Variants in LRRC49 observed in about 807,000 individuals in gnomAD.
LRRC49 encodes the protein leucine-rich repeat-containing protein 49.
LRRC49 carries 50 observed loss-of-function variants against 83.3 expected under a neutral mutation model. The observed-to-expected ratio is 0.60, with a 90% CI of 0.48 to 0.76. The LOEUF (loss-of-function observed/expected upper bound fraction) is 0.76, where lower values mean the gene tolerates loss of function less well. Ranked by LOEUF, LRRC49 falls within the 30% of genes least tolerant of loss-of-function variation. The pLI is 0.00. For missense variants in LRRC49, 704 were observed against 809.1 expected, an observed-to-expected ratio of 0.87 and a Z score of 1.58; for synonymous variants, 286 against 283.3, an observed-to-expected ratio of 1.01 and a Z score of -0.10.
intron 15 of LRRC49, among the ~76,000 whole-genome samples, chr15:71,046,090 A>T (rs1660968): frequency 0.48 from 72,549 of 151,948 alleles, 17,512 homozygotes; most frequent in East Asian, 0.65. Flanking sequence ...TCTTTATCCA[A>T]TCTACCATTG....
chr15:70,913,534 C>CA (rs1488132498), intron 6 of LRRC49, among the ~76,000 whole-genome samples: 1 of 152,092 alleles, frequency 6.6e-6, no homozygotes, highest in African/African-American at 2.4e-5. Flanking sequence ...AAAAGAATAT[C>CA]ATATGCAAAG....
rs950184329 is a variant in LRRC49, at chr15:70,895,932, G to A, written c.189G>A (p.Arg63=). The A allele has an allele frequency of 1.3e-6, 2 of 1,586,020 alleles. No individual in the cohort carries two copies. The highest frequency in any genetic ancestry group is 1.1e-5 in the South Asian group (1 of 89,572). ...ACCTTGAAAGAAACTACTCAAGTAG[G>A]CAAGGTATTGTCAGTGAATAGAGAT... ...QHDLERNYSS[R]QGDHINLVSS... is the part of the protein sequence containing the mutation. The change falls in exon 3 of 16, where the codon AGG becomes AGA. Residue 63 remains arginine (R), a synonymous_variant. Transcript: ENST00000260382.
intron 7 of LRRC49, among the ~76,000 whole-genome samples, chr15:70,928,882 A>T (rs536126394): frequency 1.3e-5 from 2 of 152,208 alleles, no homozygotes; most frequent in Non-Finnish European, 2.9e-5. Context: ...TTCATTTATT[A>T]TGGGAACATT....
Position 70,976,765 on chromosome 15 carries a change from G to T in LRRC49, c.922-3336G>T, listed in dbSNP as rs530441564. ...GATATGGCTTTTGTCCCAGAAATTG[G>T]ACTATTATCAAGAAGATACCAGAAT... On this transcript the variant is annotated intron_variant, in intron 9 of 15. Coordinates refer to ENST00000260382, the MANE Select transcript of LRRC49 (RefSeq NM_017691.5). Among the ~76,000 whole-genome samples the T allele has an allele frequency of 5.9e-5, 9 of 151,948 alleles. No homozygotes were observed. In the East Asian group the frequency reaches 1.7e-3, roughly 29 times the overall value.
chr15:71,026,719 G>T (rs984169884), intron 14 of LRRC49, among the ~76,000 whole-genome samples: 5 of 152,172 alleles, frequency 3.3e-5, no homozygotes, highest in African/African-American at 9.6e-5. Flanking sequence ...TCATGTGTTT[G>T]TTGGCCACAT....
upstream of LRRC49, chr15:70,892,076 G>A: frequency 1.2e-6 from 2 of 1,614,024 alleles, no homozygotes; most frequent in Non-Finnish European, 1.7e-6. Flanking sequence ...GATAACCGAA[G>A]AGACGTCAAA....
intron 8 of LRRC49, among the ~76,000 whole-genome samples, chr15:70,942,416 T>C (rs977608623): frequency 8.5e-5 from 13 of 152,214 alleles, no homozygotes; most frequent in Admixed American, 8.5e-4. Context: ...TTCCTTTGTA[T>C]TTTGTTTTAC....
At chr15:70,944,902 C>T (rs1032896128) in intron 8 of LRRC49, among the ~76,000 whole-genome samples, 2 of 152,136 alleles carry the variant, frequency 1.3e-5, no homozygotes. Flanking sequence ...TCATTGAGGT[C>T]TCTTCACTCT....
At chr15:70,891,565 CTCTGTGTGTGTGTGTG>C, upstream of LRRC49, among the ~76,000 whole-genome samples, 1 of 118,954 alleles carries the variant, frequency 8.4e-6, no homozygotes, top group Non-Finnish European at 1.8e-5. Context: ...CAGGACAAGA[CTCTGTGTGTGTGTGTG>C]TGTGTGTGTG....
intron 13 of LRRC49, among the ~76,000 whole-genome samples, chr15:71,010,942 G>A (rs895865976): frequency 1.3e-5 from 2 of 152,102 alleles, no homozygotes; most frequent in Non-Finnish European, 2.9e-5. Flanking sequence ...AGCTGATACA[G>A]TACAGGTAGA....
At chr15:70,935,123 G>T (rs1287215038) in intron 7 of LRRC49, among the ~76,000 whole-genome samples, 1 of 152,116 alleles carries the variant, frequency 6.6e-6, no homozygotes, top group Non-Finnish European at 1.5e-5. Context: ...GGGAAATTTG[G>T]CTGCCCTCCT....
chr15:70,970,735 T>G (rs929983791), intron 9 of LRRC49, among the ~76,000 whole-genome samples: 1 of 152,184 alleles, frequency 6.6e-6, no homozygotes, highest in Non-Finnish European at 1.5e-5. Flanking sequence ...GTCCAGGAAT[T>G]TATCTGTTTC....
chr15:70,886,725 G>T (rs534676142), intron 2 of LRRC49, among the ~76,000 whole-genome samples: 2 of 152,240 alleles, frequency 1.3e-5, no homozygotes, highest in South Asian at 4.2e-4. Flanking sequence ...AATTAGCTGG[G>T]TGCGGTGGCA....
chr15:70,870,958 T>TG (rs2033017528), intron 1 of LRRC49, among the ~76,000 whole-genome samples: 1 of 151,596 alleles, frequency 6.6e-6, no homozygotes, highest in South Asian at 2.1e-4. Context: ...TTTTTTTTTT[T>TG]TTTTTTTAGT....
At position 71,049,485 on chromosome 15, in the gene LRRC49, A is replaced by G; in HGVS notation, c.1934A>G (p.Lys645Arg). The G allele has an allele frequency of 6.2e-7, 1 of 1,613,838 alleles. No individual in the cohort carries two copies. The highest frequency in any genetic ancestry group is 8.5e-7 in the Non-Finnish European group (1 of 1,179,724). Residue 645 changes from lysine to arginine, a missense_variant, in exon 16 of 16, where the codon AAA becomes AGA. Around this residue, in one of 3 missense-constraint regions of LRRC49, gnomAD observed 275 missense variants for 338.0 expected, o/e 0.81. Transcript: ENST00000260382. The part of the protein sequence containing the change: ...LVKEATEINM[K>R]NEALQKLWPQ... The stretch of plus-strand genomic sequence containing the variant: ...AAGGAAGCCACAGAAATCAACATGA[A>G]AAATGAGGCTTTGCAGAAGCTTTGG...
intron 5 of LRRC49, among the ~76,000 whole-genome samples, chr15:70,910,685 A>G (rs759897348): frequency 6.6e-6 from 1 of 152,180 alleles, no homozygotes; most frequent in Non-Finnish European, 1.5e-5. Context: ...AAAGGATCCT[A>G]TTATGAATAC....
chr15:70,911,195 G>C (rs550107283), intron 5 of LRRC49, among the ~76,000 whole-genome samples: 77 of 152,326 alleles, frequency 5.1e-4, no homozygotes, highest in African/African-American at 1.8e-3. Flanking sequence ...TGAAAGGTCA[G>C]CAGCCAGGTT....
chr15:70,919,577 T>C (rs761561021), intron 7 of LRRC49, among the ~76,000 whole-genome samples: 2 of 152,076 alleles, frequency 1.3e-5, no homozygotes, highest in Non-Finnish European at 2.9e-5. Context: ...AGATTGAGAG[T>C]TGTGAAGATA....
At chr15:70,871,058 G>A (rs1403904689) in intron 1 of LRRC49, among the ~76,000 whole-genome samples, 1 of 151,300 alleles carries the variant, frequency 6.6e-6, no homozygotes, top group South Asian at 2.1e-4. Context: ...AGATAAACAT[G>A]TGAACAAGGG....
Sources: allele counts gnomAD v4.1 joint callset (sites outside exome capture counted in the v4.1 genomes callset), GRCh38; gene constraint gnomAD v4.1.1; regional missense constraint gnomAD v4.1.1; transcripts MANE v1.5; gene names NCBI Gene and HGNC (gene_info 2026-07-23, HGNC 2026-07-21).